Variants in PDE9A observed in about 807,000 individuals in gnomAD.
PDE9A encodes the protein phosphodiesterase 9A.
A neutral mutation model predicts 87.4 loss-of-function variants in PDE9A; 60 were observed. The observed-to-expected ratio is 0.69, with a 90% confidence interval of 0.56 to 0.85. The LOEUF is 0.85. Ranked by LOEUF, PDE9A falls within the 40% of genes least tolerant of loss-of-function variation. The pLI is 0.00. For missense variants in PDE9A, 665 were observed against 779.0 expected (o/e 0.85, Z 1.74); for synonymous variants, 272 against 279.4 (o/e 0.97, Z 0.27).
chr21:42,765,853 G>A (rs550971496), intron 15 of PDE9A, among the ~76,000 whole-genome samples: 81 of 152,288 alleles, frequency 5.3e-4, no homozygotes, highest in Non-Finnish European at 9.3e-4. Context: ...ACCTATGTGG[G>A]GGCAACTCCA....
At chr21:42,689,038 G>A (rs983074223) in intron 3 of PDE9A, among the ~76,000 whole-genome samples, 25 of 151,206 alleles carry the variant, frequency 1.7e-4, no homozygotes, top group Admixed American at 1.4e-3. Context: ...CGTCCTCAGC[G>A]AGGTCCCCGT....
rs1022456577 is a variant in PDE9A at position 42,731,356 on chromosome 21, C to T, written c.263-414C>T. Among the ~76,000 whole-genome samples, 9 of 151,918 alleles carry T rather than the reference C, an allele frequency of 5.9e-5. No homozygotes were observed. The East Asian group carries it at 1.6e-3, about 26-fold the overall frequency. ...TATGACTAAGCCTGGTGTGGGCTCT[C>T]GGTGTTCTGGGGCATGAGCTAGAGG... On this transcript the variant is annotated intron_variant, in intron 4 of 19. Coordinates refer to ENST00000291539, the MANE Select transcript of PDE9A (RefSeq NM_002606.3).
rs1396669466 is a variant in PDE9A, at chr21:42,739,287, G to C, written c.569-4489G>C. Reference sequence around the variant, plus strand: ...CTGTCTGCAGACCTCTCAGGCTTGAGGCCCCCCGCCCCACAGGACTGGCCC... The same window carrying C: ...CTGTCTGCAGACCTCTCAGGCTTGACGCCCCCCGCCCCACAGGACTGGCCC... On this transcript the variant is annotated intron_variant, in intron 7 of 19. Coordinates refer to ENST00000291539, the MANE Select transcript of PDE9A (RefSeq NM_002606.3). The surrounding 1 kb of genome is among the most constrained non-coding windows in gnomAD (Gnocchi z 4.1). 6.6e-6 allele frequency among the ~76,000 whole-genome samples: 1 copy of C among 152,238 alleles called. No homozygotes were observed. The highest frequency in any genetic ancestry group is 6.5e-5 in the Admixed American group (1 of 15,294).
chr21:42,763,973 G>A (rs140793109), intron 14 of PDE9A, among the ~76,000 whole-genome samples: 2 of 152,356 alleles, frequency 1.3e-5, no homozygotes, highest in African/African-American at 2.4e-5. Context: ...GGCCTCTTGC[G>A]AAATTGTCAA....
intron 3 of PDE9A, among the ~76,000 whole-genome samples, chr21:42,690,707 G>A (rs566293841): frequency 1.2e-4 from 18 of 152,046 alleles, no homozygotes; most frequent in Non-Finnish European, 1.2e-4. Context: ...TCTCCCACAC[G>A]GCTGCCAGGT....
At chr21:42,742,796 G>T (rs1173397562) in intron 7 of PDE9A, among the ~76,000 whole-genome samples, 1 of 152,002 alleles carries the variant, frequency 6.6e-6, no homozygotes, top group Admixed American at 6.6e-5. Flanking sequence ...GTCAGTTCCT[G>T]ACTGGGGCCA....
At chr21:42,668,484 C>CGAGAGGCCTTCAGAAATGCCCCGT (rs1428634019) in intron 1 of PDE9A, among the ~76,000 whole-genome samples, 21 of 152,172 alleles carry the variant, frequency 1.4e-4, no homozygotes, top group African/African-American at 5.1e-4. Flanking sequence ...TTGCAACTGG[C>CGAGAGGCCTTCAGAAATGCCCCGT]GAGAGGCCTT....
At chr21:42,706,119 G>A (rs1178279007) in intron 4 of PDE9A, among the ~76,000 whole-genome samples, 1 of 152,190 alleles carries the variant, frequency 6.6e-6, no homozygotes, top group South Asian at 2.1e-4. Flanking sequence ...GGTTTTGGGG[G>A]CAGCCATGGA....
Position 42,773,535 on chromosome 21 carries a change from C to T in PDE9A, c.1768+1015C>T, listed in dbSNP as rs569783873. ...ATAAGGTCACACTAATGGCCAGGCA[C>T]GGTGGCTCACGCCTGTAATCCAAGC... On this transcript the variant is annotated intron_variant, in intron 19 of 19. Transcript: ENST00000291539. Among the ~76,000 whole-genome samples, 57 of 152,010 alleles carry T rather than the reference C, an allele frequency of 3.7e-4. 1 individual carries two copies. Among genetic ancestry groups the T allele is most frequent in the Non-Finnish European group, 5.0e-4 (34 of 67,978 alleles).
chr21:42,762,395 G>A (rs2055891083), intron 14 of PDE9A, among the ~76,000 whole-genome samples, 156 bp downstream of exon 14: 1 of 152,152 alleles, frequency 6.6e-6, no homozygotes, highest in Non-Finnish European at 1.5e-5. Flanking sequence ...CCTCCTCCAG[G>A]GCCCAGAGTG....
intron 1 of PDE9A, among the ~76,000 whole-genome samples, chr21:42,685,467 CTTTT>C (rs765252066): frequency 8.6e-6 from 1 of 115,968 alleles, no homozygotes; most frequent in South Asian, 2.8e-4. Context: ...GAAAGGCAGT[CTTTT>C]TTTTTTTTTT....
intron 15 of PDE9A, among the ~76,000 whole-genome samples, chr21:42,767,165 G>A (rs921940430): frequency 3.3e-5 from 5 of 152,126 alleles, no homozygotes; most frequent in Non-Finnish European, 7.4e-5. Context: ...GTAAGGTCTC[G>A]GGGGAAAGGT....
chr21:42,680,182 T>C (rs2059092197), intron 1 of PDE9A, among the ~76,000 whole-genome samples: 1 of 152,246 alleles, frequency 6.6e-6, no homozygotes, highest in Non-Finnish European at 1.5e-5. Flanking sequence ...AGGGTCCCAG[T>C]GTGGCCAGCC....
intron 14 of PDE9A, among the ~76,000 whole-genome samples, chr21:42,763,855 C>T (rs1037056029): frequency 7.2e-5 from 11 of 152,338 alleles, no homozygotes; most frequent in African/African-American, 2.2e-4. Context: ...AATTTGTCTA[C>T]GCTTCCAGGA....
At chr21:42,740,725 TAG>T (rs1491178612) in intron 7 of PDE9A, among the ~76,000 whole-genome samples, 2 of 140,540 alleles carry the variant, frequency 1.4e-5, no homozygotes, top group African/African-American at 5.4e-5. Flanking sequence ...GATAGATAGA[TAG>T]ATAGATAGAT....
chr21:42,662,893 AAC>A (rs141620194), intron 1 of PDE9A, among the ~76,000 whole-genome samples: 7,686 of 124,084 alleles, frequency 0.062, 559 homozygotes, highest in African/African-American at 0.2. Flanking sequence ...CACACACAAA[AAC>A]ACACCACACA....
chr21:42,742,459 T>C (rs77897637), intron 7 of PDE9A, among the ~76,000 whole-genome samples: 1 of 115,628 alleles, frequency 8.6e-6, no homozygotes, highest in South Asian at 2.8e-4. Context: ...GCTGTCTGCT[T>C]TTTTTTTTTT....
At chr21:42,715,915 C>A (rs1327690901) in intron 4 of PDE9A, among the ~76,000 whole-genome samples, 1 of 151,784 alleles carries the variant, frequency 6.6e-6, no homozygotes. Flanking sequence ...GCCACCTATT[C>A]ATCCCTCCCG....
chr21:42,760,338 A>G lies in PDE9A; in HGVS notation c.908A>G (p.His303Arg). The G allele has an allele frequency of 6.2e-7, 1 of 1,605,238 alleles. No individual in the cohort carries two copies. Among genetic ancestry groups the G allele is most frequent in the East Asian group, 2.2e-5 (1 of 44,850 alleles). ...CCCTGCCTCCCGCAGTTCTGCGTCC[A>G]CGACAACTACAGAAACAACCCCTTC... ...VTLRRWLFCVHDNYRNNPFHN... is the reference protein window; with the variant it reads ...VTLRRWLFCVRDNYRNNPFHN... Residue 303 changes from histidine to arginine, a missense_variant, in exon 12 of 20, where the codon CAC becomes CGC. By Grantham distance (29) the His-to-Arg change is conservative (BLOSUM62 0). Transcript: ENST00000291539. The surrounding 1 kb of genome is among the most constrained non-coding windows in gnomAD (Gnocchi z 5.2).
Sources: allele counts gnomAD v4.1 joint callset (sites outside exome capture counted in the v4.1 genomes callset), GRCh38; gene constraint gnomAD v4.1.1; non-coding constraint Gnocchi (gnomAD v3.1); transcripts MANE v1.5; gene names NCBI Gene and HGNC (gene_info 2026-07-23, HGNC 2026-07-21).